The following EEF1AKMT2 variants were observed in gnomAD, a reference collection of about 807,000 sequenced individuals.
EEF1AKMT2 encodes the protein EEF1A lysine methyltransferase 2, also known as eukaryotic translation elongation factor 1 alpha lysine methyltransferase 2.
EEF1AKMT2 carries 32 observed loss-of-function variants against 35.8 expected under a neutral mutation model. The observed-to-expected ratio is 0.89, with a 90% confidence interval of 0.67 to 1.20. The LOEUF is 1.20. Ranked by LOEUF, EEF1AKMT2 falls within the 50% of genes most tolerant of loss-of-function variation. The pLI, the probability that EEF1AKMT2 is intolerant of heterozygous loss-of-function variation, is 0.00. For missense variants in EEF1AKMT2, 330 were observed against 347.5 expected (o/e 0.95, Z 0.40); for synonymous variants, 121 against 133.7 (o/e 0.91, Z 0.65).
chr10:124,767,878 C>T (rs1258572893), intron 4 of EEF1AKMT2, among the ~76,000 whole-genome samples: 3 of 151,824 alleles, frequency 2.0e-5, no homozygotes, highest in East Asian at 1.9e-4. Context: ...CCCAGCTAAT[C>T]GGGAGGCTGA....
Position 124,765,617 on chromosome 10 carries a change from A to G in EEF1AKMT2, c.400-9T>C. On this transcript the variant is annotated splice_polypyrimidine_tract_variant and intron_variant, in intron 4 of 6. Coordinates refer to ENST00000368836, the MANE Select transcript of EEF1AKMT2 (RefSeq NM_212554.4). ...TTCAAAAAGTCTTCTACCTATATTA[A>G]AAGTCAATGTCTATGTGAGAACAAT... 1.9e-6 allele frequency: 3 copies of G among 1,603,432 alleles called. No individual in the cohort carries two copies. Among genetic ancestry groups the G allele is most frequent in the Non-Finnish European group, 2.6e-6 (3 of 1,171,640 alleles).
intron 3 of EEF1AKMT2, chr10:124,783,073 A>G: frequency 3.6e-6 from 1 of 275,032 alleles, no homozygotes; most frequent in South Asian, 3.5e-5. Flanking sequence ...CATCATGTCC[A>G]CTAGGATGGC....
chr10:124,763,776 G>A (rs535551907), intron 5 of EEF1AKMT2, among the ~76,000 whole-genome samples: 82 of 152,084 alleles, frequency 5.4e-4, no homozygotes, highest in African/African-American at 1.9e-3. Flanking sequence ...TTAAAAACCA[G>A]GAAAGAAACT....
At chr10:124,784,955 A>G (rs539630695) in intron 3 of EEF1AKMT2, among the ~76,000 whole-genome samples, 83 of 149,474 alleles carry the variant, frequency 5.6e-4, no homozygotes, top group African/African-American at 2.0e-3. Context: ...AAAGGTCTAA[A>G]TGTAAAAGGT....
At position 124,760,504 on chromosome 10, in the gene EEF1AKMT2, C is replaced by T. The variant is rs1429844841; in HGVS notation, c.*-1G>A. 6.2e-7 allele frequency: 1 copy of T among 1,612,134 alleles called. No individual in the cohort carries two copies. The highest frequency in any genetic ancestry group is 8.5e-7 in the Non-Finnish European group (1 of 1,178,642). On this transcript the variant is annotated splice_acceptor_variant, in intron 6 of 6. Coordinates refer to ENST00000368836, the MANE Select transcript of EEF1AKMT2 (RefSeq NM_212554.4). LOFTEE classifies it high-confidence loss of function. ...GGTAGCTCTTCGAGAAGTTCAAATC[C>T]TGTCAGACAAAATTTAAATACTTTT...
At chr10:124,777,549 C>T (rs917585571) in intron 3 of EEF1AKMT2, among the ~76,000 whole-genome samples, 7 of 150,120 alleles carry the variant, frequency 4.7e-5, no homozygotes, top group Non-Finnish European at 8.9e-5. Context: ...GACAGGGTCT[C>T]ACTCTTGTAA....
intron 3 of EEF1AKMT2, among the ~76,000 whole-genome samples, chr10:124,788,729 T>TATATATATATATATAC (rs57124028): frequency 1.4e-5 from 2 of 141,320 alleles, no homozygotes; most frequent in African/African-American, 5.1e-5. Flanking sequence ...TATATATATA[T>TATATATATATATATAC]GCATTTCTAG....
At chr10:124,775,421 T>G (rs1950480116) in intron 3 of EEF1AKMT2, among the ~76,000 whole-genome samples, 1 of 152,236 alleles carries the variant, frequency 6.6e-6, no homozygotes, top group Non-Finnish European at 1.5e-5. Context: ...TTAACCCATC[T>G]AGGCTGTGTA....
At chr10:124,767,454 G>A (rs545011770) in intron 4 of EEF1AKMT2, among the ~76,000 whole-genome samples, 1 of 149,760 alleles carries the variant, frequency 6.7e-6, no homozygotes, top group Admixed American at 6.6e-5. Flanking sequence ...AGAGGTTGCA[G>A]TGAGCAGAGA....
chr10:124,777,591 C>T (rs2683600), intron 3 of EEF1AKMT2, among the ~76,000 whole-genome samples: 3 of 151,814 alleles, frequency 2.0e-5, no homozygotes, highest in African/African-American at 7.3e-5. Context: ...ACAATCATGG[C>T]TTACTGCAGC....
chr10:124,767,160 T>TAAAA (rs903606562), intron 4 of EEF1AKMT2, among the ~76,000 whole-genome samples: 2 of 104,192 alleles, frequency 1.9e-5, no homozygotes, highest in African/African-American at 4.3e-5. Flanking sequence ...GACTCCATCT[T>TAAAA]AAAAAAAAAA....
chr10:124,785,123 T>C (rs1302263931), intron 3 of EEF1AKMT2, among the ~76,000 whole-genome samples: 1 of 151,400 alleles, frequency 6.6e-6, no homozygotes, highest in South Asian at 2.1e-4. Flanking sequence ...GTTGCGCTCC[T>C]GTAGCCCCAG....
Position 124,762,511 on chromosome 10 carries a change from A to G in EEF1AKMT2, c.664T>C (p.Trp222Arg). 1 of 1,285,102 alleles carries G rather than the reference A, an allele frequency of 7.8e-7. No individual in the cohort carries two copies. Among genetic ancestry groups the G allele is most frequent in the South Asian group, 1.3e-5 (1 of 78,736 alleles). The allele number at this position is 1,285,102 out of a possible 1,614,324, so 79.6% of individuals were successfully genotyped here. ...GAAGTGGAAAAGATCGCTTGAGCCCAGGAAGTCAAGGCTGCAGTGAGCCAA... is the reference window on the plus strand; with the variant it reads ...GAAGTGGAAAAGATCGCTTGAGCCCGGGAAGTCAAGGCTGCAGTGAGCCAA... ...GFWLTAALTS[W>R]AQAIFSTSAS... Residue 222 changes from tryptophan (W) to arginine (R), a missense_variant, in exon 6 of 7, where the codon TGG (tryptophan) becomes CGG (arginine). Transcript: ENST00000368836.
rs1173285519 is a variant in EEF1AKMT2 at position 124,759,333 on chromosome 10, T to C, written c.*1170A>G. On this transcript the variant is annotated 3_prime_UTR_variant, in exon 7 of 7. Transcript: ENST00000368836. ...CCCTTTCACAGAAGAATGACAAAAT[T>C]CTTAATAGAGGCAAGTCTTTGAGTA... 6.6e-6 allele frequency: 1 copy of C among 152,150 alleles called. No individual in the cohort carries two copies. Among genetic ancestry groups the C allele is most frequent in the Admixed American group, 6.6e-5 (1 of 15,260 alleles). 9.4% of individuals were successfully genotyped at this position (152,150 alleles called of 1,614,324 possible). A position where few individuals can be genotyped will look rare whatever the true frequency, so the allele number is the denominator to read the frequency against.
rs771250849 is a variant in EEF1AKMT2, at chr10:124,760,489, C to T, written c.*14G>A. 1.1e-5 allele frequency: 18 copies of T among 1,613,338 alleles called. No individual in the cohort carries two copies. Among genetic ancestry groups the T allele is most frequent in the Non-Finnish European group, 1.3e-5 (15 of 1,179,518 alleles). On this transcript the variant is annotated 3_prime_UTR_variant, in exon 7 of 7. Coordinates refer to ENST00000368836, the MANE Select transcript of EEF1AKMT2 (RefSeq NM_212554.4). ...CTGAACTTGGGTGTTGGTAGCTCTT[C>T]GAGAAGTTCAAATCCTGTCAGACAA...
In EEF1AKMT2 at chr10:124,762,538, A is replaced by C; in HGVS notation, c.637T>G (p.Phe213Val). 1 of 1,248,748 alleles carries C rather than the reference A, an allele frequency of 8.0e-7. No individual in the cohort carries two copies. Among genetic ancestry groups the C allele is most frequent in the Non-Finnish European group, 1.0e-6 (1 of 954,826 alleles). 77.4% of individuals were successfully genotyped at this position (1,248,748 alleles called of 1,614,324 possible). Residue 213 changes from phenylalanine to valine, a missense_variant, in exon 6 of 7, where the codon TTT becomes GTT. By Grantham distance (50) the Phe-to-Val change is conservative. Transcript: ENST00000368836. ...FSEGWSTVAG[F>V]WLTAALTSWA... ...GAAGTCAAGGCTGCAGTGAGCCAAA[A>C]TCCTGCCACTGTACTCCAACCTGGG...
In EEF1AKMT2 at chr10:124,775,689, C is replaced by T. The variant is rs192057841; in HGVS notation, c.292-907G>A. Among the ~76,000 whole-genome samples, 20 of 152,242 alleles carry T rather than the reference C, an allele frequency of 1.3e-4. No individual in the cohort carries two copies. The East Asian group carries it at 3.9e-3, about 29-fold the overall frequency. On this transcript the variant is annotated intron_variant, in intron 3 of 6. Coordinates refer to ENST00000368836, the MANE Select transcript of EEF1AKMT2 (RefSeq NM_212554.4). Reference sequence around the variant, plus strand: ...TCTTTTTAACCCTAAGTAACTGATTCCTAATCTAAACTCAAGGAACAAGTA... The same window carrying T: ...TCTTTTTAACCCTAAGTAACTGATTTCTAATCTAAACTCAAGGAACAAGTA...
intron 4 of EEF1AKMT2, among the ~76,000 whole-genome samples, chr10:124,768,348 C>T (rs1328785058): frequency 2.0e-5 from 3 of 152,150 alleles, no homozygotes; most frequent in Non-Finnish European, 4.4e-5. Context: ...GTGGCTCATG[C>T]CCATAATCCC....
intron 4 of EEF1AKMT2, among the ~76,000 whole-genome samples, chr10:124,771,313 A>C (rs370904762): frequency 6.6e-6 from 1 of 151,404 alleles, no homozygotes; most frequent in South Asian, 2.1e-4. Flanking sequence ...GTTAGCCAGG[A>C]TGGTCTTGAT....
Sources: allele counts gnomAD v4.1 joint callset (sites outside exome capture counted in the v4.1 genomes callset), GRCh38; gene constraint gnomAD v4.1.1; transcripts MANE v1.5; gene names NCBI Gene and HGNC (gene_info 2026-07-23, HGNC 2026-07-21).